LDB2: variants seen among roughly 807,000 people sequenced by gnomAD.
The protein encoded by LDB2 is LIM domain binding 2, also known as LIM domain-binding protein 2.
In LDB2, 12 loss-of-function variants were observed where a neutral mutation model predicts 44.3. That is an observed-to-expected ratio of 0.27 (90% CI 0.17 to 0.44). LDB2 has a LOEUF of 0.44. LDB2 is among the 20% of genes least tolerant of loss of function. The pLI, the probability that LDB2 is intolerant of heterozygous loss-of-function variation, is 1.00. For missense variants in LDB2, 344 were observed against 473.5 expected, an observed-to-expected ratio of 0.73 and a Z score of 2.54; for synonymous variants, 164 against 174.8, an observed-to-expected ratio of 0.94 and a Z score of 0.49.
intron 2 of LDB2, among the ~76,000 whole-genome samples, chr4:16,734,698 GTTTTCTTTTT>G (rs1761491622): frequency 8.3e-6 from 1 of 120,002 alleles, no homozygotes; most frequent in Admixed American, 9.4e-5. Flanking sequence ...CCAACTTCTT[GTTTTCTTTTT>G]TTTTTTTTTT....
At chr4:16,833,057 AAAAT>A (rs1784312623) in intron 1 of LDB2, among the ~76,000 whole-genome samples, 1 of 152,236 alleles carries the variant, frequency 6.6e-6, no homozygotes, top group African/African-American at 2.4e-5. Context: ...CTGTTGGACA[AAAAT>A]AAATATTTAT....
rs561439871 is a variant in LDB2, at chr4:16,708,624, T to C, written c.235+50534A>G. Among the ~76,000 whole-genome samples, 24 of 152,312 alleles carry C rather than the reference T, an allele frequency of 1.6e-4. 1 individual carries two copies. Among genetic ancestry groups the C allele is most frequent in the Non-Finnish European group, 2.8e-4 (19 of 68,024 alleles). On this transcript the variant is annotated intron_variant, in intron 2 of 7. Coordinates refer to ENST00000304523, the MANE Select transcript of LDB2 (RefSeq NM_001290.5). ...TCTATTACAAACTAGACTGTTAATA[T>C]GGAGCTGAGGATACATTCTTGGGAC...
chr4:16,842,319 T>G lies in LDB2; in HGVS notation c.132+56035A>C, dbSNP rs983216106. ...AAAGTCAAGAAAAATCATACAATGG[T>G]GGGACTGAGAATGTCAGAGAGAGAA... On this transcript the variant is annotated intron_variant, in intron 1 of 7. Coordinates refer to ENST00000304523, the MANE Select transcript of LDB2 (RefSeq NM_001290.5). Among the ~76,000 whole-genome samples, 5 of 152,196 alleles carry G rather than the reference T, an allele frequency of 3.3e-5. No homozygotes were observed. In the East Asian group the frequency reaches 7.7e-4, roughly 24 times the overall value.
At chr4:16,810,293 C>A (rs193082988) in intron 1 of LDB2, among the ~76,000 whole-genome samples, 2 of 152,288 alleles carry the variant, frequency 1.3e-5, no homozygotes, top group African/African-American at 4.8e-5. Context: ...CTAAAAGAAA[C>A]CCTCCAAAAT....
intron 3 of LDB2, among the ~76,000 whole-genome samples, chr4:16,592,505 T>TATATATATATACACACAC (rs757702164): frequency 1.9e-5 from 2 of 108,062 alleles, no homozygotes; most frequent in African/African-American, 7.6e-5. Flanking sequence ...TATATATATA[T>TATATATATATACACACAC]ACACACACAC....
chr4:16,817,573 T>C (rs1451232479), intron 1 of LDB2, among the ~76,000 whole-genome samples: 1 of 152,238 alleles, frequency 6.6e-6, no homozygotes, highest in African/African-American at 2.4e-5. Flanking sequence ...AACCCAATCC[T>C]CTGAGCTGTA....
At chr4:16,721,167 G>A (rs1016997514) in intron 2 of LDB2, among the ~76,000 whole-genome samples, 11 of 152,150 alleles carry the variant, frequency 7.2e-5, no homozygotes, top group African/African-American at 2.7e-4. Context: ...TGGACTGTTT[G>A]TAAAATTGGA....
intron 1 of LDB2, among the ~76,000 whole-genome samples, chr4:16,809,018 G>A (rs565920527): frequency 6.6e-6 from 1 of 152,254 alleles, no homozygotes; most frequent in South Asian, 2.1e-4. Flanking sequence ...AGAATTATAT[G>A]TCATTTCTAG....
chr4:16,895,718 G>C (rs764653430), intron 1 of LDB2, among the ~76,000 whole-genome samples: 2 of 152,070 alleles, frequency 1.3e-5, no homozygotes, highest in East Asian at 1.9e-4. Context: ...TCACTCAAAG[G>C]CATATTTGAT....
At chr4:16,645,445 G>T (rs1300635857) in intron 2 of LDB2, among the ~76,000 whole-genome samples, 1 of 151,358 alleles carries the variant, frequency 6.6e-6, no homozygotes, top group Non-Finnish European at 1.5e-5. Context: ...GCTGAGGCAG[G>T]AGAATGGCGT....
chr4:16,802,937 C>CA (rs929457791), intron 1 of LDB2, among the ~76,000 whole-genome samples: 17 of 152,146 alleles, frequency 1.1e-4, no homozygotes, highest in South Asian at 4.1e-4. Flanking sequence ...CCCTGAGATT[C>CA]AAGCTGAACC....
intron 1 of LDB2, among the ~76,000 whole-genome samples, chr4:16,891,014 T>A (rs1723198502): frequency 6.6e-6 from 1 of 152,172 alleles, no homozygotes; most frequent in Non-Finnish European, 1.5e-5. Flanking sequence ...GATTCCTAAT[T>A]GATTACCTGA....
At chr4:16,562,435 C>A (rs1253913615) in intron 5 of LDB2, among the ~76,000 whole-genome samples, 1 of 152,196 alleles carries the variant, frequency 6.6e-6, no homozygotes, top group Non-Finnish European at 1.5e-5. Flanking sequence ...CAAAAGAAGA[C>A]ATTTATCCAG....
At chr4:16,578,740 T>C (rs1387135949) in intron 5 of LDB2, among the ~76,000 whole-genome samples, 2 of 152,210 alleles carry the variant, frequency 1.3e-5, no homozygotes, top group Admixed American at 6.5e-5. Flanking sequence ...AAGAGATAGC[T>C]GCACTCCTGT....
intron 2 of LDB2, among the ~76,000 whole-genome samples, chr4:16,636,050 T>C (rs891388906): frequency 6.6e-6 from 1 of 152,230 alleles, no homozygotes; most frequent in Non-Finnish European, 1.5e-5. Context: ...GTAGAACATT[T>C]GCAGAGTTAA....
intron 2 of LDB2, among the ~76,000 whole-genome samples, chr4:16,599,107 A>T (rs1250611524): frequency 6.6e-6 from 1 of 152,146 alleles, no homozygotes; most frequent in African/African-American, 2.4e-5. Context: ...AGATTGTATT[A>T]GTTTCCTGTT....
At chr4:16,535,088 C>A (rs956307024) in intron 5 of LDB2, among the ~76,000 whole-genome samples, 2 of 152,194 alleles carry the variant, frequency 1.3e-5, no homozygotes, top group Non-Finnish European at 1.5e-5. Context: ...CTTTTCCATG[C>A]ATCTGGAGCA....
At chr4:16,873,647 A>ATAT (rs1397330233) in intron 1 of LDB2, among the ~76,000 whole-genome samples, 3 of 152,198 alleles carry the variant, frequency 2.0e-5, no homozygotes, top group African/African-American at 7.2e-5. Context: ...TATTGTTTTT[A>ATAT]TATTTTATAT....
intron 1 of LDB2, among the ~76,000 whole-genome samples, chr4:16,845,779 G>T (rs1561421647): frequency 6.6e-6 from 1 of 152,114 alleles, no homozygotes; most frequent in Non-Finnish European, 1.5e-5. Context: ...ATTAGGAAAT[G>T]GTGCAAGAGA....
Sources: gnomAD v4.1 joint callset for allele counts (sites outside exome capture counted in the v4.1 genomes callset) on GRCh38, gnomAD v4.1.1 for gene constraint, MANE v1.5 for transcripts, NCBI Gene and HGNC (gene_info 2026-07-23, HGNC 2026-07-21) for gene names.